Variants in ZNF2 observed in about 807,000 individuals in gnomAD.
The protein encoded by ZNF2 is zinc finger protein 2.2.
In ZNF2, 12 loss-of-function variants were observed where a neutral mutation model predicts 21.9. The observed-to-expected ratio is 0.55, with a 90% CI of 0.35 to 0.89. The LOEUF (loss-of-function observed/expected upper bound fraction) is 0.89. Ranked by LOEUF, ZNF2 falls within the 40% of genes least tolerant of loss-of-function variation. The pLI is 0.01. For synonymous variants in ZNF2, 186 were observed against 196.3 expected, an observed-to-expected ratio of 0.95 and a Z score of 0.44; for missense variants, 462 against 544.2, an observed-to-expected ratio of 0.85 and a Z score of 1.50.
intron 1 of ZNF2, among the ~76,000 whole-genome samples, chr2:95,174,601 C>G (rs555324194): frequency 6.6e-6 from 1 of 152,204 alleles, no homozygotes; most frequent in African/African-American, 2.4e-5. Flanking sequence ...CAAATGAAAA[C>G]TTAGCTTAGA....
chr2:95,182,364 C>A lies in ZNF2; in HGVS notation c.*258C>A, dbSNP rs1424321486. ...AGGATAGATGTTAGGAGGAGACACA[C>A]CTCTTGTCTGAGAACCTAGGCCCCA... On this transcript the variant is annotated 3_prime_UTR_variant, in exon 5 of 5. Coordinates refer to ENST00000614034, the MANE Select transcript of ZNF2 (RefSeq NM_021088.4). The A allele has an allele frequency of 7.7e-6, 3 of 388,216 alleles. No homozygotes were observed. The highest frequency in any genetic ancestry group is 1.4e-5 in the Non-Finnish European group (3 of 218,416). 24.0% of individuals were successfully genotyped at this position (388,216 alleles called of 1,614,324 possible).
At chr2:95,169,481 G>C (rs888545075) in intron 1 of ZNF2, among the ~76,000 whole-genome samples, 4 of 152,150 alleles carry the variant, frequency 2.6e-5, no homozygotes, top group Non-Finnish European at 4.4e-5. Flanking sequence ...TCGGCCAGGC[G>C]CAGTGGCTCA....
At position 95,181,169 on chromosome 2, in the gene ZNF2, G is replaced by T; in HGVS notation, c.341G>T (p.Cys114Phe). 1 of 1,614,214 alleles carries T rather than the reference G, an allele frequency of 6.2e-7. No individual in the cohort carries two copies. Among genetic ancestry groups the T allele is most frequent in the Non-Finnish European group, 8.5e-7 (1 of 1,180,034 alleles). Reference sequence around the variant, plus strand: ...AAATCAGAAGGATCATTGAGGGAATGCCTTGGAAGGCAAAGTCCTCTGTGT... The same window carrying T: ...AAATCAGAAGGATCATTGAGGGAATTCCTTGGAAGGCAAAGTCCTCTGTGT... Reference protein sequence around the residue: ...DKKSEGSLRECLGRQSPLCPK... With the variant: ...DKKSEGSLREFLGRQSPLCPK... Residue 114 changes from cysteine (C) to phenylalanine (F), a missense_variant, in exon 5 of 5, where the codon TGC becomes TTC. Cys to Phe is a radical substitution (Grantham distance 205). Coordinates refer to ENST00000614034, the MANE Select transcript of ZNF2 (RefSeq NM_021088.4).
chr2:95,167,505 C>CAAAAAAAAAAAAAAAAAAAA, intron 1 of ZNF2, among the ~76,000 whole-genome samples: 1 of 44,948 alleles, frequency 2.2e-5, no homozygotes, highest in Non-Finnish European at 4.8e-5. Flanking sequence ...GACTCAGTCT[C>CAAAAAAAAAAAAAAAAAAAA]AAAAAAAAAA....
In ZNF2 at chr2:95,182,270, T is replaced by C. The variant is rs3105105; in HGVS notation, c.*164T>C. ...TAAGCACTCCCTTCCTGCTGTGTTA[T>C]AGAACTGTAGGGGAGGCCATGGAAA... On this transcript the variant is annotated 3_prime_UTR_variant, in exon 5 of 5. Coordinates refer to ENST00000614034, the MANE Select transcript of ZNF2 (RefSeq NM_021088.4). 671,583 of 883,954 alleles carry C rather than the reference T, an allele frequency of 0.76. 255,724 individuals are homozygous for C. Among genetic ancestry groups the C allele is most frequent in the Admixed American group, 0.84 (28,725 of 34,040 alleles). The allele number at this position is 883,954 out of a possible 1,614,324, so 54.8% of individuals were successfully genotyped here.
chr2:95,183,345 C>G lies in ZNF2; in HGVS notation c.*1239C>G, dbSNP rs909799499. ...TGTCCACATCTAATAAGCCAGAACC[C>G]AGCACCTAGAAGCTAGGAAAGTAAA... On this transcript the variant is annotated 3_prime_UTR_variant, in exon 5 of 5. Transcript: ENST00000614034. The G allele has an allele frequency of 1.3e-5, 2 of 152,190 alleles. No homozygotes were observed. Among genetic ancestry groups the G allele is most frequent in the African/African-American group, 4.8e-5 (2 of 41,440 alleles). The allele number at this position is 152,190 out of a possible 1,614,324, so 9.4% of individuals were successfully genotyped here. A position where few individuals can be genotyped will look rare whatever the true frequency, so the allele number is the denominator to read the frequency against.
At chr2:95,167,397 TC>T (rs1264929874) in intron 1 of ZNF2, among the ~76,000 whole-genome samples, 1 of 149,270 alleles carries the variant, frequency 6.7e-6, no homozygotes, top group Admixed American at 6.7e-5. Context: ...TCCCGGCTAC[TC>T]GGGAGGCTGA....
chr2:95,165,847 A>T lies in ZNF2; in HGVS notation c.-53A>T, dbSNP rs1288173537. Reference sequence around the variant, plus strand: ...GGCGCCGTCTTCCCGGGTCCCGAGCACTCTGTGCCGGAGGTGAGGGTTGTG... The same window carrying T: ...GGCGCCGTCTTCCCGGGTCCCGAGCTCTCTGTGCCGGAGGTGAGGGTTGTG... On this transcript the variant is annotated 5_prime_UTR_variant, in exon 1 of 5. Coordinates refer to ENST00000614034, the MANE Select transcript of ZNF2 (RefSeq NM_021088.4). 1.3e-5 allele frequency: 2 copies of T among 152,206 alleles called. No individual in the cohort carries two copies. Among genetic ancestry groups the T allele is most frequent in the Non-Finnish European group, 2.9e-5 (2 of 68,106 alleles). 9.4% of individuals were successfully genotyped at this position (152,206 alleles called of 1,614,324 possible). A position where few individuals can be genotyped will look rare whatever the true frequency, so the allele number is the denominator to read the frequency against.
Position 95,182,662 on chromosome 2 carries a change from A to G in ZNF2, c.*556A>G, listed in dbSNP as rs895572487. 3.3e-5 allele frequency: 5 copies of G among 153,362 alleles called. No individual in the cohort carries two copies. Among genetic ancestry groups the G allele is most frequent in the African/African-American group, 1.2e-4 (5 of 41,428 alleles). The allele number at this position is 153,362 out of a possible 1,614,324, so 9.5% of individuals were successfully genotyped here. A position where few individuals can be genotyped will look rare whatever the true frequency, so the allele number is the denominator to read the frequency against. On this transcript the variant is annotated 3_prime_UTR_variant, in exon 5 of 5. Transcript: ENST00000614034. ...AGGAAGTAGATTAATTGATCCTGTC[A>G]CCAACCATATGAAGTAGGCACTGTT...
At position 95,180,262 on chromosome 2, in the gene ZNF2, T is replaced by C. The variant is rs1244176180; in HGVS notation, c.264T>C (p.Ser88=). ...HGSEEREWPE[S]VSLDWETKPE... is the part of the protein sequence containing the mutation. ...CTGAGGAGAGAGAATGGCCAGAGAG[T>C]GTCTCTCTAGGTAACTGAGTGTGAA... is the stretch of plus-strand genomic sequence containing the variant. The change falls in exon 4 of 5, where the codon AGT becomes AGC. Residue 88 remains serine, a synonymous_variant. Transcript: ENST00000614034. The C allele has an allele frequency of 1.2e-6, 2 of 1,606,512 alleles. No homozygotes were observed. Among genetic ancestry groups the C allele is most frequent in the South Asian group, 2.2e-5 (2 of 90,856 alleles).
intron 4 of ZNF2, 64 bp from the exon 5 acceptor site, chr2:95,181,038 TC>T (rs757634589): frequency 1.3e-6 from 2 of 1,551,004 alleles, no homozygotes; most frequent in Non-Finnish European, 1.8e-6. Context: ...CATCGGAGCA[TC>T]TCTTCTTTCT....
chr2:95,169,719 C>T (rs1674208683), intron 1 of ZNF2, among the ~76,000 whole-genome samples: 1 of 152,112 alleles, frequency 6.6e-6, no homozygotes, highest in Non-Finnish European at 1.5e-5. Flanking sequence ...CATTGCACTC[C>T]AGCCCGGGAG....
At position 95,181,655 on chromosome 2, in the gene ZNF2, A is replaced by G; in HGVS notation, c.827A>G (p.Gln276Arg). 3.1e-6 allele frequency: 5 copies of G among 1,614,244 alleles called. No homozygotes were observed. The highest frequency in any genetic ancestry group is 4.2e-6 in the Non-Finnish European group (5 of 1,180,038). Residue 276 changes from glutamine (Q) to arginine (R), a missense_variant, in exon 5 of 5, where the codon CAG becomes CGG. Gln to Arg is a conservative substitution (Grantham distance 43). Transcript: ENST00000614034. ...GACCGTTCATCCCTTACTCGACACC[A>G]GAGAATTCACACTGGAGAAAGTCCT... ...FFDRSSLTRH[Q>R]RIHTGESPYE...
chr2:95,179,559 A>G (rs1674565579), intron 3 of ZNF2, among the ~76,000 whole-genome samples: 1 of 152,158 alleles, frequency 6.6e-6, no homozygotes, highest in Admixed American at 6.5e-5. Context: ...CCTTCATCCT[A>G]CCAGTGCTAA....
At chr2:95,179,328 G>A (rs1003208028) in intron 3 of ZNF2, among the ~76,000 whole-genome samples, 6 of 152,170 alleles carry the variant, frequency 3.9e-5, no homozygotes, top group Non-Finnish European at 7.3e-5. Flanking sequence ...ATTTATGGGT[G>A]TCTTTGGATA....
At chr2:95,179,060 C>T (rs1573401790) in intron 3 of ZNF2, among the ~76,000 whole-genome samples, 1 of 148,906 alleles carries the variant, frequency 6.7e-6, no homozygotes, top group Non-Finnish European at 1.5e-5. Flanking sequence ...GATGCAATCT[C>T]GGCTCACTGC....
At chr2:95,171,716 A>G (rs752445213) in intron 1 of ZNF2, among the ~76,000 whole-genome samples, 3 of 152,164 alleles carry the variant, frequency 2.0e-5, no homozygotes, top group African/African-American at 7.2e-5. Flanking sequence ...AGTTTCCAAC[A>G]TTTCTGCTTT....
chr2:95,172,212 C>G (rs1225047783), intron 1 of ZNF2, among the ~76,000 whole-genome samples: 1 of 152,174 alleles, frequency 6.6e-6, no homozygotes, highest in African/African-American at 2.4e-5. Flanking sequence ...ATTCCAGACC[C>G]TCCAATAGGA....
rs537244614 is a variant in ZNF2 at position 95,166,446 on chromosome 2, C to A, written c.-40+586C>A. ...GAAAAGGTACGCTGGGAGCCAGGGC[C>A]CGGGACTCAGAGAATCAGGACAAGA... On this transcript the variant is annotated intron_variant, in intron 1 of 4. Transcript: ENST00000614034. Among the ~76,000 whole-genome samples, 8 of 152,090 alleles carry A rather than the reference C, an allele frequency of 5.3e-5. No homozygotes were observed. The South Asian group carries it at 1.5e-3, about 28-fold the overall frequency.
Sources: gnomAD v4.1 joint callset for allele counts (sites outside exome capture counted in the v4.1 genomes callset) on GRCh38, gnomAD v4.1.1 for gene constraint, MANE v1.5 for transcripts, NCBI Gene and HGNC (gene_info 2026-07-23, HGNC 2026-07-21) for gene names.